The following SLIT2 variants were observed in gnomAD, a reference collection of about 807,000 sequenced individuals.
The protein encoded by SLIT2 is slit guidance ligand 2, also known as slit homolog 2 protein.
Under a neutral mutation model 185.7 loss-of-function variants are expected in SLIT2, and 41 were observed. That is an observed-to-expected ratio of 0.22 (90% confidence interval 0.17 to 0.29). The LOEUF (loss-of-function observed/expected upper bound fraction) is 0.29. Ranked by LOEUF, SLIT2 falls within the 10% of genes least tolerant of loss-of-function variation. The pLI, the probability that SLIT2 is intolerant of heterozygous loss-of-function variation, is 1.00. For missense variants in SLIT2, 1,571 were observed against 1,909.0 expected, an observed-to-expected ratio of 0.82 and a Z score of 3.30; for synonymous variants, 693 against 680.2, an observed-to-expected ratio of 1.02 and a Z score of -0.29.
chr4:20,576,345 A>G (rs753570561), intron 29 of SLIT2, among the ~76,000 whole-genome samples: 1 of 152,158 alleles, frequency 6.6e-6, no homozygotes, highest in Non-Finnish European at 1.5e-5. Context: ...TGTACTTTGT[A>G]TGCTCACTTC....
chr4:20,472,573 GATATATCTATAT>G lies in SLIT2; in HGVS notation c.467+4754_467+4765del, dbSNP rs1417945071. Among the ~76,000 whole-genome samples the G allele has an allele frequency of 8.2e-3, 117 of 14,236 alleles. 46 individuals carry two copies. Among genetic ancestry groups the G allele is most frequent in the African/African-American group, 0.069 (110 of 1,604 alleles). 9.3% of individuals were successfully genotyped at this position (14,236 alleles called of 152,430 possible). On this transcript the variant is annotated intron_variant, in intron 5 of 36. Transcript: ENST00000504154. ...ATATATAGATATATATCTATATATA[GATATATCTATAT>G]ATAGATATATATCTATAGATATATC...
chr4:20,401,704 G>A (rs898652969), intron 4 of SLIT2, among the ~76,000 whole-genome samples: 2 of 151,780 alleles, frequency 1.3e-5, no homozygotes, highest in African/African-American at 4.8e-5. Flanking sequence ...TCCTGCCTGT[G>A]TATGATCCCA....
At chr4:20,277,478 T>TCTG (rs1240796369) in intron 4 of SLIT2, among the ~76,000 whole-genome samples, 2 of 151,930 alleles carry the variant, frequency 1.3e-5, no homozygotes, top group African/African-American at 4.8e-5. Context: ...AGTATATAAA[T>TCTG]ATGATTGAAT....
At chr4:20,326,554 T>C (rs1719607988) in intron 4 of SLIT2, among the ~76,000 whole-genome samples, 1 of 151,876 alleles carries the variant, frequency 6.6e-6, no homozygotes. Flanking sequence ...GCTTGCATTT[T>C]TTCCTTGGGT....
intron 29 of SLIT2, among the ~76,000 whole-genome samples, chr4:20,577,811 CAG>C (rs1285882059): frequency 3.3e-5 from 5 of 152,142 alleles, no homozygotes; most frequent in Non-Finnish European, 7.3e-5. Flanking sequence ...TTTTTAAAAT[CAG>C]AATTGGATCG....
chr4:20,394,574 C>G (rs979354736), intron 4 of SLIT2: 3 of 151,902 alleles, frequency 2.0e-5, no homozygotes, highest in African/African-American at 7.3e-5. Context: ...ACTGCAGGAC[C>G]TCATGGAGCG....
At chr4:20,337,244 G>A (rs529204585) in intron 4 of SLIT2, among the ~76,000 whole-genome samples, 2 of 152,276 alleles carry the variant, frequency 1.3e-5, no homozygotes, top group African/African-American at 2.4e-5. Flanking sequence ...CACAATCATG[G>A]CGGAAGGCAA....
At chr4:20,608,411 A>G (rs1291451097) in intron 33 of SLIT2, among the ~76,000 whole-genome samples, 1 of 152,088 alleles carries the variant, frequency 6.6e-6, no homozygotes, top group African/African-American at 2.4e-5. Context: ...AAAACCACTA[A>G]TGGTGTGCAA....
chr4:20,495,345 A>C (rs1718138708), intron 9 of SLIT2, among the ~76,000 whole-genome samples: 1 of 152,184 alleles, frequency 6.6e-6, no homozygotes, highest in Non-Finnish European at 1.5e-5. Context: ...GAGTTATATA[A>C]GATACATGTG....
intron 4 of SLIT2, among the ~76,000 whole-genome samples, chr4:20,360,985 T>C (rs1033088607): frequency 3.3e-5 from 5 of 152,314 alleles, no homozygotes; most frequent in Admixed American, 3.3e-4. Flanking sequence ...TCTTATTTTA[T>C]ATCAGCCATA....
chr4:20,353,323 A>C (rs565137404), intron 4 of SLIT2, among the ~76,000 whole-genome samples: 29 of 152,218 alleles, frequency 1.9e-4, no homozygotes, highest in Non-Finnish European at 3.7e-4. Context: ...GAATTTATGC[A>C]TAACTCAGTT....
intron 4 of SLIT2, among the ~76,000 whole-genome samples, chr4:20,275,570 A>G (rs1714089870): frequency 1.3e-5 from 2 of 152,274 alleles, no homozygotes; most frequent in Non-Finnish European, 2.9e-5. Context: ...GCCCTCTTGC[A>G]TTTATCCTTA....
chr4:20,420,570 G>A (rs1728099571), intron 4 of SLIT2, among the ~76,000 whole-genome samples: 1 of 151,854 alleles, frequency 6.6e-6, no homozygotes, highest in Non-Finnish European at 1.5e-5. Context: ...GGAACTAGAG[G>A]CCATAGATTA....
intron 4 of SLIT2, among the ~76,000 whole-genome samples, chr4:20,454,050 C>A (rs1712774844): frequency 6.6e-6 from 1 of 152,194 alleles, no homozygotes; most frequent in South Asian, 2.1e-4. Context: ...AATTTCCACC[C>A]TTCATAACTG....
chr4:20,253,473 G>C lies in SLIT2; in HGVS notation c.-343G>C. ...ATCTTAGCAGCCGTTGGAAGCCCCA[G>C]CTCTTTTACCGCCAAGTTCATCCTT... On this transcript the variant is annotated 5_prime_UTR_variant, in exon 1 of 37. Coordinates refer to ENST00000504154, the MANE Select transcript of SLIT2 (RefSeq NM_004787.4). 3.0e-6 allele frequency: 1 copy of C among 328,132 alleles called. No homozygotes were observed. Among genetic ancestry groups the C allele is most frequent in the Non-Finnish European group, 5.7e-6 (1 of 176,802 alleles). 20.3% of individuals were successfully genotyped at this position (328,132 alleles called of 1,614,324 possible). A position where few individuals can be genotyped will look rare whatever the true frequency, so the allele number is the denominator to read the frequency against.
chr4:20,500,063 A>G (rs955522692), intron 9 of SLIT2, among the ~76,000 whole-genome samples: 5 of 152,198 alleles, frequency 3.3e-5, no homozygotes, highest in Non-Finnish European at 5.9e-5. Flanking sequence ...CTATTCAGAC[A>G]ATATTGATAA....
At chr4:20,615,262 C>T (rs937824039) in intron 34 of SLIT2, 3 of 152,144 alleles carry the variant, frequency 2.0e-5, no homozygotes, top group African/African-American at 7.2e-5. Context: ...CCTTTTGACC[C>T]TGCTCTAGAA....
intron 12 of SLIT2, 95 bp from the exon 13 acceptor site, chr4:20,523,664 TA>T: frequency 1.0e-6 from 1 of 960,210 alleles, no homozygotes. Flanking sequence ...TGAAAAGAAA[TA>T]TATTTCTTGA....
At chr4:20,261,468 C>T (rs1338227604) in intron 3 of SLIT2, among the ~76,000 whole-genome samples, 1 of 151,728 alleles carries the variant, frequency 6.6e-6, no homozygotes, top group African/African-American at 2.4e-5. Context: ...AAAAAAATAA[C>T]ACTGGGACCC....
Sources: gnomAD v4.1 joint callset for allele counts (sites outside exome capture counted in the v4.1 genomes callset) on GRCh38, gnomAD v4.1.1 for gene constraint, MANE v1.5 for transcripts, NCBI Gene and HGNC (gene_info 2026-07-23, HGNC 2026-07-21) for gene names.